The following PI4KA variants were observed in gnomAD, a reference collection of about 807,000 sequenced individuals.
PI4KA encodes phosphatidylinositol 4-kinase alpha, also known as PI4-kinase alpha.
PI4KA carries 122 observed loss-of-function variants against 271.4 expected under a neutral mutation model. The ratio of observed to expected loss-of-function variants is 0.45; its 90% CI spans 0.39 to 0.52. The LOEUF is 0.52. Ranked by LOEUF, PI4KA falls within the 20% of genes least tolerant of loss-of-function variation. The probability of loss-of-function intolerance (pLI) is 0.00; values close to 1 mark genes in which losing one functional copy is unlikely to be tolerated. For missense variants in PI4KA, 1,969 were observed against 2,769.1 expected, an observed-to-expected ratio of 0.71 and a Z score of 6.48; for synonymous variants, 1,041 against 1,078.8, an observed-to-expected ratio of 0.96 and a Z score of 0.69.
chr22:20,823,867 A>G (rs1337466967), intron 4 of PI4KA, among the ~76,000 whole-genome samples: 1 of 152,108 alleles, frequency 6.6e-6, no homozygotes, highest in Non-Finnish European at 1.5e-5. Context: ...CTTGAGGTGG[A>G]CGGCAGAGGT....
intron 22 of PI4KA, chr22:20,764,604 A>T: frequency 1.9e-6 from 1 of 515,362 alleles, no homozygotes; most frequent in Non-Finnish European, 3.4e-6. Flanking sequence ...GATGATGCGG[A>T]GCTTAGATAC....
chr22:20,792,543 A>G (rs547360403), intron 19 of PI4KA, among the ~76,000 whole-genome samples: 5 of 152,320 alleles, frequency 3.3e-5, no homozygotes, highest in Non-Finnish European at 5.9e-5. Flanking sequence ...TGGAAGGGAG[A>G]GAATATGGAA....
At chr22:20,802,234 GA>G in intron 13 of PI4KA, 129 bp from the exon 14 acceptor site, 1 of 692,912 alleles carries the variant, frequency 1.4e-6, no homozygotes, top group South Asian at 2.0e-5. Flanking sequence ...AAAAACATCT[GA>G]CCAAATATTT....
At chr22:20,841,065 A>G (rs1050015501) in intron 1 of PI4KA, among the ~76,000 whole-genome samples, 2 of 152,186 alleles carry the variant, frequency 1.3e-5, no homozygotes, top group Non-Finnish European at 2.9e-5. Context: ...TAAAGAAGCC[A>G]GCTAAAACCC....
chr22:20,743,215 G>A (rs182912106), intron 30 of PI4KA, among the ~76,000 whole-genome samples: 2 of 151,018 alleles, frequency 1.3e-5, no homozygotes, highest in African/African-American at 2.4e-5. Flanking sequence ...GCGTGATCTC[G>A]ACTCAGTGCA....
rs551553536 is a variant in PI4KA at position 20,858,672 on chromosome 22, G to GCCGCCGCCGCCT, written c.42_53dup (p.Gly15_Gly18dup). 7.5e-6 allele frequency: 11 copies of GCCGCCGCCGCCT among 1,468,894 alleles called. No individual in the cohort carries two copies. The highest frequency in any genetic ancestry group is 6.1e-5 in the African/African-American group (4 of 65,318). 91.0% of individuals were successfully genotyped at this position (1,468,894 alleles called of 1,614,324 possible). A position where few individuals can be genotyped will look rare whatever the true frequency, so the allele number is the denominator to read the frequency against. On this transcript the variant is annotated inframe_insertion, in exon 1 of 55. Transcript: ENST00000255882. ...AGGCGCTGGAGCCGGAGCCGGAGCA[G>GCCGCCGCCGCCT]CCGCCGCCGCCTCCGCCTCCGCCTC... is the stretch of plus-strand genomic sequence containing the variant.
At position 20,791,488 on chromosome 22, in the gene PI4KA, G is replaced by A. The variant is rs370963177; in HGVS notation, c.2328+1705C>T. ...TCAACCAATGGGGCCAGGCATGGTG[G>A]TTCACGCCTGTAATCCCAGCACTAA... On this transcript the variant is annotated intron_variant, in intron 19 of 54. Transcript: ENST00000255882. 1.0e-3 allele frequency among the ~76,000 whole-genome samples: 155 copies of A among 152,274 alleles called. 1 individual carries two copies. The highest frequency in any genetic ancestry group is 3.5e-3 in the African/African-American group (145 of 41,560).
chr22:20,837,594 C>A (rs555071057), intron 2 of PI4KA, among the ~76,000 whole-genome samples: 72 of 151,950 alleles, frequency 4.7e-4, no homozygotes, highest in Non-Finnish European at 8.2e-4. Flanking sequence ...GATAAATATT[C>A]AAATATCTAA....
intron 29 of PI4KA, 46 bp downstream of exon 29, chr22:20,747,537 T>C (rs1330738170): frequency 6.2e-7 from 1 of 1,600,698 alleles, no homozygotes; most frequent in Admixed American, 1.7e-5. Context: ...GCACTGTGGC[T>C]CCTATGGTCT....
chr22:20,715,569 G>T (rs1010000315), intron 45 of PI4KA, among the ~76,000 whole-genome samples: 1 of 151,484 alleles, frequency 6.6e-6, no homozygotes, highest in African/African-American at 2.4e-5. Context: ...ACGCCTCCCG[G>T]GTTCAAGCGA....
intron 1 of PI4KA, among the ~76,000 whole-genome samples, chr22:20,850,972 G>A (rs1926894053): frequency 6.6e-6 from 1 of 152,098 alleles, no homozygotes; most frequent in Non-Finnish European, 1.5e-5. Flanking sequence ...TCAAACCAAG[G>A]AATTCAAGGT....
chr22:20,824,271 G>A (rs946168306), intron 4 of PI4KA, 55 bp downstream of exon 4: 3 of 1,076,496 alleles, frequency 2.8e-6, no homozygotes, highest in Non-Finnish European at 4.3e-6. Flanking sequence ...TCATCACTTT[G>A]GGACTCTATT....
rs11382800 is a variant in PI4KA at position 20,799,479 on chromosome 22, C to CT, written c.1820+191dup. 0.24 allele frequency among the ~76,000 whole-genome samples: 36,469 copies of CT among 152,108 alleles called. 5,699 individuals carry two copies. Among genetic ancestry groups the CT allele is most frequent in the Non-Finnish European group, 0.34 (23,385 of 67,964 alleles). On this transcript the variant is annotated intron_variant, in intron 15 of 54. Coordinates refer to ENST00000255882, the MANE Select transcript of PI4KA (RefSeq NM_058004.4). ...TCTGGATGACAAAGATCTTTCTCGACTTCCACACAGTGGTCCAGGAAGTAC... is the reference window on the plus strand; with the variant it reads ...TCTGGATGACAAAGATCTTTCTCGACTTTCCACACAGTGGTCCAGGAAGTAC...
At chr22:20,741,868 G>C (rs1046683959) in intron 32 of PI4KA, among the ~76,000 whole-genome samples, 2 of 152,122 alleles carry the variant, frequency 1.3e-5, no homozygotes, top group African/African-American at 2.4e-5. Context: ...CAGGGAAAGG[G>C]GGCTGATCCC....
intron 1 of PI4KA, among the ~76,000 whole-genome samples, chr22:20,842,877 G>A (rs941944212): frequency 5.3e-5 from 8 of 151,162 alleles, no homozygotes; most frequent in Admixed American, 5.3e-4. Flanking sequence ...TTGGGAGGCC[G>A]AGGTGGGCGG....
chr22:20,761,913 G>C (rs1932008540), intron 22 of PI4KA, among the ~76,000 whole-genome samples: 1 of 151,920 alleles, frequency 6.6e-6, no homozygotes, highest in Non-Finnish European at 1.5e-5. Context: ...CCTATGCACA[G>C]AAAATTTCTA....
chr22:20,762,086 T>TA (rs961319993), intron 22 of PI4KA, among the ~76,000 whole-genome samples: 14 of 151,886 alleles, frequency 9.2e-5, no homozygotes, highest in Admixed American at 2.0e-4. Context: ...TCTTTTATGG[T>TA]AAAAAAAATA....
chr22:20,786,362 G>A (rs574849172), intron 19 of PI4KA, among the ~76,000 whole-genome samples: 8 of 152,252 alleles, frequency 5.3e-5, no homozygotes, highest in Non-Finnish European at 8.8e-5. Context: ...GGGCAGGGGG[G>A]ATCCCAAGAG....
At chr22:20,853,928 AAAG>A (rs2147831879) in intron 1 of PI4KA, among the ~76,000 whole-genome samples, 1 of 151,776 alleles carries the variant, frequency 6.6e-6, no homozygotes, top group East Asian at 1.9e-4. Context: ...TAAAAAAAAA[AAAG>A]TAGATGGGAT....
Sources: gnomAD v4.1 joint callset for allele counts (sites outside exome capture counted in the v4.1 genomes callset) on GRCh38, gnomAD v4.1.1 for gene constraint, MANE v1.5 for transcripts, NCBI Gene and HGNC (gene_info 2026-07-23, HGNC 2026-07-21) for gene names.